Variants in SPATA13 observed in about 807,000 individuals in gnomAD.
SPATA13 encodes the protein spermatogenesis associated 13, also known as spermatogenesis-associated protein 13.
In SPATA13, 50 loss-of-function variants were observed where a neutral mutation model predicts 104.0. That is an observed-to-expected ratio of 0.48 (90% CI 0.38 to 0.61). SPATA13 has a LOEUF of 0.61. Among genes scored for constraint, SPATA13 ranks in the 20% least tolerant of loss-of-function variants. The pLI is 0.00. For missense variants in SPATA13, 1,524 were observed against 1,690.6 expected (o/e 0.90, Z 1.73); for synonymous variants, 606 against 667.5 (o/e 0.91, Z 1.42).
intron 3 of SPATA13, among the ~76,000 whole-genome samples, chr13:24,049,652 C>T (rs1878269101): frequency 6.6e-6 from 1 of 152,034 alleles, no homozygotes; most frequent in South Asian, 2.1e-4. Context: ...AATATACATG[C>T]AATGATACCA....
intron 3 of SPATA13, among the ~76,000 whole-genome samples, chr13:24,112,439 A>G (rs919280650): frequency 1.3e-5 from 2 of 152,120 alleles, no homozygotes; most frequent in African/African-American, 2.4e-5. Context: ...CTCAGTATAC[A>G]CTGTGCTTTG....
intron 3 of SPATA13, among the ~76,000 whole-genome samples, chr13:24,037,822 G>A (rs1473128802): frequency 6.6e-6 from 1 of 152,150 alleles, no homozygotes; most frequent in African/African-American, 2.4e-5. Context: ...CCCAGAACTT[G>A]TAAGTGAAAT....
chr13:24,295,606 C>T lies in SPATA13; in HGVS notation c.3210+738C>T, dbSNP rs183182034. ...TAGTCTGGGTGACAGAGCAAGACTC[C>T]GTCTCAAAAAAAAAAGGAAAGACCA... On this transcript the variant is annotated intron_variant, in intron 10 of 12. Transcript: ENST00000382108. Among the ~76,000 whole-genome samples the T allele has an allele frequency of 6.0e-5, 9 of 150,816 alleles. No individual in the cohort carries two copies. The South Asian group carries it at 1.0e-3, about 18-fold the overall frequency.
In SPATA13 at chr13:24,276,715, AT is replaced by A. The variant is rs147524380; in HGVS notation, c.2165-7416del. On this transcript the variant is annotated intron_variant, in intron 4 of 12. Transcript: ENST00000382108. ...ATTTCTCCTGATTTTGGTGACATAC[AT>A]TTTGAGAATTTATAATAGCTTTACA... 5.1e-3 allele frequency among the ~76,000 whole-genome samples: 780 copies of A among 152,368 alleles called. 44 individuals carry two copies. In the East Asian group the frequency reaches 0.12, roughly 23 times the overall value.
intron 4 of SPATA13, among the ~76,000 whole-genome samples, chr13:24,259,846 T>G (rs1873972366): frequency 6.6e-6 from 1 of 152,220 alleles, no homozygotes; most frequent in Admixed American, 6.5e-5. Flanking sequence ...AGACAGAGTC[T>G]CACTCTGTTG....
At chr13:24,024,347 A>T (rs1449942988) in intron 3 of SPATA13, among the ~76,000 whole-genome samples, 1 of 127,338 alleles carries the variant, frequency 7.9e-6, no homozygotes, top group Non-Finnish European at 1.8e-5. Flanking sequence ...GGATGGATGA[A>T]TGGATGGACG....
chr13:24,185,802 CACAT>C (rs1399125641), intron 1 of SPATA13, among the ~76,000 whole-genome samples: 1 of 137,006 alleles, frequency 7.3e-6, no homozygotes, highest in East Asian at 2.1e-4. Context: ...TGTGCGCACA[CACAT>C]ACATCAAGAG....
In SPATA13 at chr13:24,302,910, G is replaced by A. The variant is rs1370821879; in HGVS notation, c.*137G>A. 4.5e-6 allele frequency: 5 copies of A among 1,112,894 alleles called. No individual in the cohort carries two copies. The highest frequency in any genetic ancestry group is 2.6e-5 in the East Asian group (1 of 39,204). 68.9% of individuals were successfully genotyped at this position (1,112,894 alleles called of 1,614,324 possible). ...TTTAGGGATCAATGAAGGAGAGAAG[G>A]TCTTGGAATCACCTTCAGTCTTTGG... On this transcript the variant is annotated 3_prime_UTR_variant, in exon 13 of 13. Coordinates refer to ENST00000382108, the MANE Select transcript of SPATA13 (RefSeq NM_001166271.3).
At chr13:24,038,120 A>G (rs1229424981) in intron 3 of SPATA13, among the ~76,000 whole-genome samples, 4 of 151,226 alleles carry the variant, frequency 2.6e-5, no homozygotes, top group African/African-American at 7.3e-5. Flanking sequence ...TCACCGTGTT[A>G]GCCAGGATGG....
At chr13:24,147,471 G>A (rs1478096735) in intron 3 of SPATA13, among the ~76,000 whole-genome samples, 1 of 152,110 alleles carries the variant, frequency 6.6e-6, no homozygotes, top group African/African-American at 2.4e-5. Context: ...TCTTCTGTGT[G>A]CTCCCTTCTC....
chr13:24,208,693 A>G (rs1199348227), intron 1 of SPATA13, among the ~76,000 whole-genome samples: 3 of 81,068 alleles, frequency 3.7e-5, no homozygotes, highest in Admixed American at 1.6e-4. Context: ...TAGGGAGCCC[A>G]TAGGCCAAAA....
In SPATA13 at chr13:23,989,309, C is replaced by A. The variant is rs1273664966; in HGVS notation, c.-147+5376C>A. On this transcript the variant is annotated intron_variant, in intron 2 of 14. Coordinates refer to the SPATA13 transcript ENST00000424834. ...TAGTAGCATGCGCCTGTAGTCCCAG[C>A]TACTCAGGAGGCTGAGGAAGGAGAA... Among the ~76,000 whole-genome samples, 3 of 151,856 alleles carry A rather than the reference C, an allele frequency of 2.0e-5. No individual in the cohort carries two copies. In the East Asian group the frequency reaches 5.8e-4, roughly 29 times the overall value.
At chr13:24,036,898 C>T (rs571433000) in intron 3 of SPATA13, among the ~76,000 whole-genome samples, 95 of 152,004 alleles carry the variant, frequency 6.2e-4, no homozygotes, top group African/African-American at 2.2e-3. Flanking sequence ...ACCTCAGCCT[C>T]CCGAGTAGCT....
At chr13:24,155,672 A>T (rs529192537) in intron 3 of SPATA13, among the ~76,000 whole-genome samples, 16 of 152,350 alleles carry the variant, frequency 1.1e-4, no homozygotes, top group Non-Finnish European at 1.5e-4. Flanking sequence ...GGACATTTTT[A>T]AAAACTGTGG....
Position 24,270,198 on chromosome 13 carries a change from A to G in SPATA13, c.2165-13937A>G, listed in dbSNP as rs184221189. ...GACTTGCTCATTGTAGATAATTTGG[A>G]AAGTATAGAAGAGTATAGAGGAAAT... On this transcript the variant is annotated intron_variant, in intron 4 of 12. Coordinates refer to ENST00000382108, the MANE Select transcript of SPATA13 (RefSeq NM_001166271.3). Among the ~76,000 whole-genome samples the G allele has an allele frequency of 7.4e-3, 1,133 of 152,298 alleles. 8 individuals carry two copies. Among genetic ancestry groups the G allele is most frequent in the Non-Finnish European group, 0.013 (866 of 68,028 alleles).
At chr13:24,212,813 T>C (rs561619385) in intron 1 of SPATA13, among the ~76,000 whole-genome samples, 1 of 152,328 alleles carries the variant, frequency 6.6e-6, no homozygotes, top group Admixed American at 6.5e-5. Flanking sequence ...GCTTACTTCA[T>C]AGGTAAGGGC....
chr13:23,988,100 C>T (rs999455898), intron 2 of SPATA13, among the ~76,000 whole-genome samples: 5 of 152,032 alleles, frequency 3.3e-5, no homozygotes, highest in African/African-American at 9.7e-5. Context: ...CCTACCACCA[C>T]GTCTGGTTAA....
intron 3 of SPATA13, among the ~76,000 whole-genome samples, chr13:24,057,005 T>TTC (rs60596587): frequency 2.7e-4 from 35 of 131,174 alleles, no homozygotes; most frequent in East Asian, 1.7e-3. Context: ...GCTGTTTTCT[T>TTC]TCTCTCTCTC....
chr13:24,186,838 A>T (rs1400272546), intron 1 of SPATA13, among the ~76,000 whole-genome samples: 1 of 152,202 alleles, frequency 6.6e-6, no homozygotes, highest in Non-Finnish European at 1.5e-5. Context: ...TGGAAATCCT[A>T]GTGTGTTTGG....
Sources: allele counts gnomAD v4.1 joint callset (sites outside exome capture counted in the v4.1 genomes callset), GRCh38; gene constraint gnomAD v4.1.1; transcripts MANE v1.5; gene names NCBI Gene and HGNC (gene_info 2026-07-23, HGNC 2026-07-21).